Variants in TRPC5 observed in about 807,000 individuals in gnomAD.
The protein encoded by TRPC5 is short transient receptor potential channel 5.
Under a neutral mutation model 56.5 loss-of-function variants are expected in TRPC5, and 9 were observed. That is an observed-to-expected ratio of 0.16 (90% CI 0.10 to 0.28). The LOEUF (loss-of-function observed/expected upper bound fraction) is 0.28. Ranked by LOEUF, TRPC5 falls within the 10% of genes least tolerant of loss-of-function variation. TRPC5 has a pLI of 1.00. For missense variants in TRPC5, 469 were observed against 748.9 expected (o/e 0.63, Z 4.36); for synonymous variants, 282 against 278.5 (o/e 1.01, Z -0.13).
intron 3 of TRPC5, among the ~76,000 whole-genome samples, chrX:111,869,437 A>G (rs1422685189): frequency 2.7e-5 from 3 of 112,021 alleles, no homozygotes; most frequent in Non-Finnish European, 5.6e-5. Context: ...TGGGCTGCCA[A>G]TATCAATGGC....
chrX:111,863,563 G>A (rs1000108933), intron 3 of TRPC5, among the ~76,000 whole-genome samples: 1 of 112,046 alleles, frequency 8.9e-6, no homozygotes, highest in African/African-American at 3.2e-5. Flanking sequence ...AGTGAATAGA[G>A]ACAATTTTAA....
chrX:111,950,242 A>G (rs888550562), intron 2 of TRPC5, among the ~76,000 whole-genome samples: 3 of 110,331 alleles, frequency 2.7e-5, no homozygotes, highest in Non-Finnish European at 5.7e-5. Context: ...GGAGAATGGC[A>G]TCAACCCAGG....
At chrX:112,005,063 A>T (rs1928798598) in intron 1 of TRPC5, among the ~76,000 whole-genome samples, 1 of 111,484 alleles carries the variant, frequency 9.0e-6, no homozygotes, top group African/African-American at 3.3e-5. Flanking sequence ...ACTACAATGA[A>T]CATCTGCGTG....
intron 7 of TRPC5, among the ~76,000 whole-genome samples, chrX:111,798,055 AT>A (rs367859751): frequency 1.8e-5 from 2 of 111,689 alleles, no homozygotes; most frequent in African/African-American, 6.5e-5. Context: ...TAAGAAAAAA[AT>A]GGATATATCC....
intron 1 of TRPC5, among the ~76,000 whole-genome samples, chrX:112,077,038 A>G (rs1408166514): frequency 8.9e-6 from 1 of 111,912 alleles, no homozygotes; most frequent in Non-Finnish European, 1.9e-5. Flanking sequence ...TGTTCACCAT[A>G]TCCCAGTGCA....
chrX:111,880,088 T>C (rs1292420462), intron 3 of TRPC5, among the ~76,000 whole-genome samples: 1 of 95,363 alleles, frequency 1.0e-5, no homozygotes, highest in Non-Finnish European at 2.0e-5. Context: ...TTGTTGCTGC[T>C]TTTTTTTTTT....
intron 2 of TRPC5, among the ~76,000 whole-genome samples, chrX:111,926,834 G>T (rs909156247): frequency 1.8e-5 from 2 of 112,296 alleles, no homozygotes; most frequent in African/African-American, 6.5e-5. Context: ...TGTTAAACAA[G>T]CATGCTATAC....
chrX:111,902,986 C>G (rs1205562717), intron 3 of TRPC5: 1 of 111,929 alleles, frequency 8.9e-6, no homozygotes, highest in African/African-American at 3.2e-5. Flanking sequence ...GAAAGACAAA[C>G]ACTCACCATA....
intron 1 of TRPC5, among the ~76,000 whole-genome samples, chrX:112,053,728 C>T (rs1930274317): frequency 9.0e-6 from 1 of 110,884 alleles, no homozygotes; most frequent in Non-Finnish European, 1.9e-5. Context: ...AAAATAATTT[C>T]TTGGTGTTAT....
chrX:111,962,964 C>T (rs2148643385), intron 1 of TRPC5, among the ~76,000 whole-genome samples: 1 of 111,617 alleles, frequency 9.0e-6, no homozygotes, highest in African/African-American at 3.3e-5. Flanking sequence ...CTAAGGAGTG[C>T]CAGACAGTGG....
At chrX:112,038,944 C>T (rs1471406891) in intron 1 of TRPC5, among the ~76,000 whole-genome samples, 1 of 107,620 alleles carries the variant, frequency 9.3e-6, no homozygotes, top group Non-Finnish European at 1.9e-5. Flanking sequence ...CCCACTTTGG[C>T]TTCCCAAAGT....
At chrX:112,038,582 G>A (rs180739951) in intron 1 of TRPC5, among the ~76,000 whole-genome samples, 75 of 112,405 alleles carry the variant, frequency 6.7e-4, no homozygotes, top group African/African-American at 2.2e-3. Context: ...CTAATCTTTG[G>A]TGAGACTGGA....
At chrX:111,827,035 G>A (rs1922258550) in intron 7 of TRPC5, among the ~76,000 whole-genome samples, 1 of 111,780 alleles carries the variant, frequency 8.9e-6, no homozygotes, top group African/African-American at 3.3e-5. Context: ...GAGGTTCTGT[G>A]TGTGGGTCTT....
At chrX:111,866,233 G>T (rs1190375629) in intron 3 of TRPC5, among the ~76,000 whole-genome samples, 1 of 113,474 alleles carries the variant, frequency 8.8e-6, no homozygotes, top group African/African-American at 3.2e-5. Context: ...TTATTTCTTT[G>T]GATTAAAGCA....
At chrX:112,001,525 C>T (rs948157857) in intron 1 of TRPC5, among the ~76,000 whole-genome samples, 7 of 111,947 alleles carry the variant, frequency 6.3e-5, no homozygotes, top group African/African-American at 1.6e-4. Flanking sequence ...TTTGGGAGGC[C>T]GAGCTGGGCA....
chrX:111,912,304 T>C lies in TRPC5; in HGVS notation c.887A>G (p.Tyr296Cys). The change falls in exon 3 of 11, where the codon TAC (tyrosine) becomes TGC (cysteine). Residue 296 changes from tyrosine (Y) to cysteine (C), a missense_variant. By Grantham distance (194) the Tyr-to-Cys change is radical (BLOSUM62 -2). Around this residue, in one of 3 missense-constraint regions of TRPC5, gnomAD observed 157 missense variants for 360.0 expected, o/e 0.44. Transcript: ENST00000262839. ...AGCTCAGCTTACCTCTTTCTGGTGG[T>C]ATTTGATTGCCACCTTCAACTTGGC... ...DLAKLKVAIK[Y>C]HQKEFVAQPN... is the part of the protein sequence containing the mutation. The C allele has an allele frequency of 8.3e-7, 1 of 1,200,500 alleles. No individual in the cohort carries two copies. The highest frequency in any genetic ancestry group is 1.1e-6 in the Non-Finnish European group (1 of 889,711).
chrX:111,856,191 T>C (rs776885522), intron 3 of TRPC5, among the ~76,000 whole-genome samples: 2 of 110,989 alleles, frequency 1.8e-5, no homozygotes, highest in East Asian at 5.7e-4. Context: ...GAGACCAGGC[T>C]GGAGAGGTAA....
At chrX:112,011,342 G>A (rs949238139) in intron 1 of TRPC5, among the ~76,000 whole-genome samples, 9 of 111,492 alleles carry the variant, frequency 8.1e-5, no homozygotes, top group Non-Finnish European at 1.5e-4. Flanking sequence ...CCAAGAAAGC[G>A]CAAGTAAGTA....
chrX:111,999,006 A>G (rs2148659025), intron 1 of TRPC5, among the ~76,000 whole-genome samples: 1 of 111,853 alleles, frequency 8.9e-6, no homozygotes, highest in South Asian at 3.8e-4. Context: ...TACATGTGCC[A>G]TGGTGGTTTG....
Sources: gnomAD v4.1 joint callset for allele counts (sites outside exome capture counted in the v4.1 genomes callset) on GRCh38, gnomAD v4.1.1 for gene constraint, gnomAD v4.1.1 regional missense constraint, MANE v1.5 for transcripts, NCBI Gene and HGNC (gene_info 2026-07-23, HGNC 2026-07-21) for gene names.